Variants in SPOCK2 observed in about 807,000 individuals in gnomAD.
SPOCK2 encodes the protein SPARC (osteonectin), cwcv and kazal like domains proteoglycan 2.
Under a neutral mutation model 60.1 loss-of-function variants are expected in SPOCK2, and 39 were observed. That is an observed-to-expected ratio of 0.65 (90% CI 0.50 to 0.85). The LOEUF (loss-of-function observed/expected upper bound fraction) is 0.85. Ranked by LOEUF, SPOCK2 falls within the 40% of genes least tolerant of loss-of-function variation. The pLI, the probability that SPOCK2 is intolerant of heterozygous loss-of-function variation, is 0.00. For missense variants in SPOCK2, 523 were observed against 567.4 expected, an observed-to-expected ratio of 0.92 and a Z score of 0.80; for synonymous variants, 217 against 231.5, an observed-to-expected ratio of 0.94 and a Z score of 0.57.
rs1433705228 is a variant in SPOCK2 at position 72,067,682 on chromosome 10, A to T, written c.640T>A (p.Trp214Arg). 1 of 1,613,864 alleles carries T rather than the reference A, an allele frequency of 6.2e-7. No homozygotes were observed. ...LADLGDRLRD[W>R]FQLLHENSKQ... is the part of the protein sequence containing the mutation. Reference sequence around the variant, plus strand: ...GAGTTCTCATGAAGGAGCTGGAACCAGTCCCGCAGCCGATCTCCCAGGTCA... The same window carrying T: ...GAGTTCTCATGAAGGAGCTGGAACCTGTCCCGCAGCCGATCTCCCAGGTCA... Residue 214 changes from tryptophan (W) to arginine (R), a missense_variant, in exon 7 of 11, where the codon TGG becomes AGG. By Grantham distance (101) the Trp-to-Arg change is moderately radical (BLOSUM62 -3). Transcript: ENST00000373109.
chr10:72,062,950 C>G lies in SPOCK2; in HGVS notation c.1130-45G>C. The G allele has an allele frequency of 1.9e-6, 3 of 1,588,234 alleles. No homozygotes were observed. The highest frequency in any genetic ancestry group is 1.7e-6 in the Non-Finnish European group (2 of 1,170,218). ...ACAGGGGGTGAGGGAGCTTCTGGCA[C>G]GCACCCCCCAGCATCCCACGACAAG... On this transcript the variant is annotated intron_variant, in intron 10 of 10. Transcript: ENST00000373109. This position sits in a 1 kb window ranked among gnomAD's most constrained non-coding sequence, Gnocchi z 4.3.
chr10:72,088,572 G>T, upstream of SPOCK2: 1 of 473,886 alleles, frequency 2.1e-6, no homozygotes, highest in Non-Finnish European at 3.7e-6. Context: ...CGCCAGCAGG[G>T]GCTGTAACTG....
intron 8 of SPOCK2, 131 bp from the exon 9 acceptor site, chr10:72,064,371 AC>A: frequency 1.0e-6 from 1 of 994,934 alleles, no homozygotes; most frequent in Non-Finnish European, 1.4e-6. Context: ...ACACGGGGTC[AC>A]CCCACAGCAG....
rs1490548860 is a variant in SPOCK2, at chr10:72,064,207, T to G, written c.962A>C (p.Gln321Pro). 2.5e-6 allele frequency: 4 copies of G among 1,611,048 alleles called. No individual in the cohort carries two copies. The highest frequency in any genetic ancestry group is 3.4e-6 in the Non-Finnish European group (4 of 1,179,074). The change falls in exon 9 of 11, where the codon CAG becomes CCG. Residue 321 changes from glutamine (Q) to proline (P), a missense_variant. Physicochemically the swap from Gln to Pro is moderately conservative, Grantham distance 76. Coordinates refer to ENST00000373109, the MANE Select transcript of SPOCK2 (RefSeq NM_001244950.2). ...PPCLAELERI[Q>P]IQEAAKKKPG... is the part of the protein sequence containing the mutation. ...CTTCTTCTTGGCGGCCTCCTGGATC[T>G]GGATGCGCTCCAGCTCTGCCAGGCA...
intron 3 of SPOCK2, 74 bp downstream of exon 3, chr10:72,072,429 G>A (rs1840660957): frequency 3.7e-6 from 6 of 1,602,612 alleles, no homozygotes; most frequent in Non-Finnish European, 5.1e-6. Flanking sequence ...CCCCAAGCGG[G>A]CTAAGGGCTT....
chr10:72,077,742 A>C (rs1775158257), intron 1 of SPOCK2, among the ~76,000 whole-genome samples: 1 of 152,152 alleles, frequency 6.6e-6, no homozygotes, highest in African/African-American at 2.4e-5. Flanking sequence ...GCCCTGGGAG[A>C]ACCCAGGCTC....
chr10:72,064,331 G>GAGAT, intron 8 of SPOCK2, 91 bp from the exon 9 acceptor site: 1 of 1,356,054 alleles, frequency 7.4e-7, no homozygotes, highest in Non-Finnish European at 9.7e-7. Flanking sequence ...CCAGGCAGGG[G>GAGAT]CTCTGCAAGA....
intron 1 of SPOCK2, among the ~76,000 whole-genome samples, chr10:72,081,210 A>G (rs1229084872): frequency 6.6e-6 from 1 of 152,252 alleles, no homozygotes; most frequent in African/African-American, 2.4e-5. Flanking sequence ...TGTGGGGCTC[A>G]GTGCTTCTGA....
At chr10:72,072,359 T>C (rs891956480) in intron 3 of SPOCK2, 101 bp from the exon 4 acceptor site, 3 of 1,464,572 alleles carry the variant, frequency 2.0e-6, no homozygotes, top group East Asian at 4.9e-5. Flanking sequence ...CAGCCCTTGA[T>C]AACCAGAGCT....
rs372293143 is a variant in SPOCK2 at position 72,072,464 on chromosome 10, C to G, written c.244+39G>C. 5 of 1,613,152 alleles carry G rather than the reference C, an allele frequency of 3.1e-6. No homozygotes were observed. In the African/African-American group the frequency reaches 4.0e-5, roughly 13 times the overall value. ...TGCCCTCTGGTCTCAAGTCTTCACA[C>G]GTGTCAGTCACCTTCCCCCGCCGGG... On this transcript the variant is annotated intron_variant, in intron 3 of 10. Transcript: ENST00000373109.
intron 1 of SPOCK2, 87 bp from the exon 2 acceptor site, chr10:72,072,997 T>C (rs1840670021): frequency 4.5e-6 from 7 of 1,540,168 alleles, no homozygotes; most frequent in Non-Finnish European, 6.2e-6. Context: ...TGAGGCCCTC[T>C]GGTGTTCCTG....
In SPOCK2 at chr10:72,086,690, C is replaced by T. The variant is rs1277682599; in HGVS notation, c.189+1450G>A. ...GGACAGGTCGCATGTGGGGCGAAGG[C>T]GGAGATCAGCAGCCCATCGCGGGGC... On this transcript the variant is annotated intron_variant, in intron 1 of 10. Transcript: ENST00000373109. The T allele has an allele frequency of 3.0e-6, 4 of 1,321,148 alleles. No individual in the cohort carries two copies. The African/African-American group carries it at 4.5e-5, about 15-fold the overall frequency. 81.8% of individuals were successfully genotyped at this position (1,321,148 alleles called of 1,614,324 possible).
chr10:72,068,360 C>G lies in SPOCK2; in HGVS notation c.475-59G>C, dbSNP rs1840600718. ...GGGCTTACCCCAGGGGTCCCCACAG[C>G]TGGGGACACCCTCAAGCCTCTCATG... On this transcript the variant is annotated intron_variant, in intron 5 of 10. Transcript: ENST00000373109. The G allele has an allele frequency of 4.7e-6, 7 of 1,488,516 alleles. No homozygotes were observed. In the South Asian group the frequency reaches 9.1e-5, roughly 19 times the overall value. 92.2% of individuals were successfully genotyped at this position (1,488,516 alleles called of 1,614,324 possible). A position where few individuals can be genotyped will look rare whatever the true frequency, so the allele number is the denominator to read the frequency against.
intron 1 of SPOCK2, among the ~76,000 whole-genome samples, chr10:72,084,914 G>T (rs896211267): frequency 6.6e-6 from 1 of 152,162 alleles, no homozygotes; most frequent in Non-Finnish European, 1.5e-5. Context: ...TATGAACTGT[G>T]CGCCTCCTGG....
At chr10:72,079,159 G>A (rs1286230367) in intron 1 of SPOCK2, among the ~76,000 whole-genome samples, 1 of 152,204 alleles carries the variant, frequency 6.6e-6, no homozygotes, top group Non-Finnish European at 1.5e-5. Context: ...GGGTCACACA[G>A]CAATTGCACA....
Position 72,072,508 on chromosome 10 carries a change from TCTC to T in SPOCK2, c.236_238del (p.Gly79del). The T allele has an allele frequency of 6.2e-7, 1 of 1,613,984 alleles. No homozygotes were observed. ...CGCCGGGAGAGTCATGTTACCTTCA[TCTC>T]CTTGCTGATTGTCCTCCCAGCTCTT... On this transcript the variant is annotated inframe_deletion, in exon 3 of 11. Transcript: ENST00000373109.
At chr10:72,066,789 TG>T in intron 8 of SPOCK2, 112 bp downstream of exon 8, 1 of 1,227,132 alleles carries the variant, frequency 8.1e-7, no homozygotes, top group Non-Finnish European at 1.2e-6. Context: ...GGGAAAGTGC[TG>T]GGCCTGGGGA....
chr10:72,063,969 AAC>A (rs1840531587), intron 9 of SPOCK2, among the ~76,000 whole-genome samples: 1 of 152,220 alleles, frequency 6.6e-6, no homozygotes, highest in Admixed American at 6.5e-5. Flanking sequence ...TAGTGCCTAA[AAC>A]ACACTTTTCC....
At chr10:72,070,926 T>C (rs1840639030) in intron 4 of SPOCK2, among the ~76,000 whole-genome samples, 1 of 152,192 alleles carries the variant, frequency 6.6e-6, no homozygotes, top group African/African-American at 2.4e-5. Context: ...CCTGCATTCC[T>C]ACATAGCTGT....
Sources: allele counts gnomAD v4.1 joint callset (sites outside exome capture counted in the v4.1 genomes callset), GRCh38; gene constraint gnomAD v4.1.1; non-coding constraint Gnocchi (gnomAD v3.1); transcripts MANE v1.5; gene names NCBI Gene and HGNC (gene_info 2026-07-23, HGNC 2026-07-21).